Variants in ANKRD17 observed in about 807,000 individuals in gnomAD.
The protein encoded by ANKRD17 is ankyrin repeat domain 17, also known as ankyrin repeat domain-containing protein 17.
ANKRD17 carries 19 observed loss-of-function variants against 229.7 expected under a neutral mutation model. The ratio of observed to expected loss-of-function variants is 0.08; its 90% CI spans 0.06 to 0.12. The LOEUF (loss-of-function observed/expected upper bound fraction) is 0.12, where lower values mean the gene tolerates loss of function less well. Ranked by LOEUF, ANKRD17 falls within the 10% of genes least tolerant of loss-of-function variation. The probability of loss-of-function intolerance (pLI) is 1.00; values close to 1 mark genes in which losing one functional copy is unlikely to be tolerated. For synonymous variants in ANKRD17, 1,112 were observed against 1,146.1 expected, an observed-to-expected ratio of 0.97 and a Z score of 0.60; for missense variants, 2,176 against 3,176.8, an observed-to-expected ratio of 0.68 and a Z score of 7.57.
rs1233176026 is a variant in ANKRD17 at position 73,195,120 on chromosome 4, G to C, written c.394-17587C>G. Among the ~76,000 whole-genome samples, 12 of 152,186 alleles carry C rather than the reference G, an allele frequency of 7.9e-5. No homozygotes were observed. The South Asian group carries it at 2.3e-3, about 29-fold the overall frequency. ...CAAGTTCCTTTTCTGTATCTACTGT[G>C]ATTATAATTTTTTTTCTTGAGTGTG... On this transcript the variant is annotated intron_variant, in intron 1 of 33. Coordinates refer to ENST00000358602, the MANE Select transcript of ANKRD17 (RefSeq NM_032217.5).
At chr4:73,099,353 C>T (rs1723683907) in intron 25 of ANKRD17, among the ~76,000 whole-genome samples, 1 of 152,168 alleles carries the variant, frequency 6.6e-6, no homozygotes, top group South Asian at 2.1e-4. Context: ...GAGTGGGAAG[C>T]AGTTTTCCCC....
intron 1 of ANKRD17, among the ~76,000 whole-genome samples, chr4:73,231,169 A>G (rs544150010): frequency 1.3e-5 from 2 of 152,288 alleles, no homozygotes; most frequent in Non-Finnish European, 2.9e-5. Context: ...ATGGAGGTCT[A>G]GGGGACCTGG....
In ANKRD17 at chr4:73,139,800, T is replaced by C. The variant is rs1729386867; in HGVS notation, c.2816A>G (p.Asp939Gly). 3.1e-6 allele frequency: 5 copies of C among 1,614,236 alleles called. No individual in the cohort carries two copies. Among genetic ancestry groups the C allele is most frequent in the Non-Finnish European group, 4.2e-6 (5 of 1,180,044 alleles). The change falls in exon 15 of 34, where the codon GAT becomes GGT. Residue 939 changes from aspartate (D) to glycine (G), a missense_variant. Coordinates refer to ENST00000358602, the MANE Select transcript of ANKRD17 (RefSeq NM_032217.5). ...LQQVDPVLLK[D>G]EPQQTAAQMG... ...CTGAGCAGCAGTCTGCTGGGGTTCA[T>C]CTTTAAGTAAAACAGGATCCACTTG...
chr4:73,199,866 G>A (rs975583457), intron 1 of ANKRD17, among the ~76,000 whole-genome samples: 1 of 152,106 alleles, frequency 6.6e-6, no homozygotes, highest in Admixed American at 6.5e-5. Flanking sequence ...ATTAGTATAT[G>A]TCCTTTCTGA....
At chr4:73,124,674 C>T (rs572734021) in intron 18 of ANKRD17, among the ~76,000 whole-genome samples, 1 of 152,184 alleles carries the variant, frequency 6.6e-6, no homozygotes, top group Non-Finnish European at 1.5e-5. Flanking sequence ...CTTTCTCCTA[C>T]CGTAAATGCA....
At chr4:73,140,634 T>C (rs889730866) in intron 14 of ANKRD17, among the ~76,000 whole-genome samples, 1 of 152,078 alleles carries the variant, frequency 6.6e-6, no homozygotes, top group Non-Finnish European at 1.5e-5. Flanking sequence ...TTAAAACTCA[T>C]CATAAGAACA....
At chr4:73,152,706 A>T (rs961732620) in intron 6 of ANKRD17, among the ~76,000 whole-genome samples, 1 of 152,084 alleles carries the variant, frequency 6.6e-6, no homozygotes, top group African/African-American at 2.4e-5. Flanking sequence ...AGTGAAATGC[A>T]GCCAGTACTG....
At chr4:73,076,395 C>T (rs1721003489) in intron 33 of ANKRD17, 105 bp from the exon 34 acceptor site, 1 of 768,648 alleles carries the variant, frequency 1.3e-6, no homozygotes, top group Non-Finnish European at 1.9e-6. Context: ...TTGCAATATA[C>T]TAGGAACTAA....
rs556493781 is a variant in ANKRD17 at position 73,177,276 on chromosome 4, T to C, written c.547+104A>G. 3.7e-4 allele frequency: 406 copies of C among 1,092,176 alleles called. 2 individuals are homozygous for C. The African/African-American group carries it at 5.0e-3, about 13-fold the overall frequency. 67.7% of individuals were successfully genotyped at this position (1,092,176 alleles called of 1,614,324 possible). ...AATCAATTAACCTTTATTAATAGTATCATTCTAAATACCCAATATCATTCA... is the reference window on the plus strand; with the variant it reads ...AATCAATTAACCTTTATTAATAGTACCATTCTAAATACCCAATATCATTCA... On this transcript the variant is annotated intron_variant, in intron 2 of 33. Coordinates refer to ENST00000358602, the MANE Select transcript of ANKRD17 (RefSeq NM_032217.5).
chr4:73,194,067 T>C (rs1416695477), intron 1 of ANKRD17, among the ~76,000 whole-genome samples: 1 of 152,230 alleles, frequency 6.6e-6, no homozygotes, highest in Non-Finnish European at 1.5e-5. Flanking sequence ...GTAGTTTGTC[T>C]TTTTATTTTC....
intron 1 of ANKRD17, among the ~76,000 whole-genome samples, chr4:73,243,306 A>G (rs976126978): frequency 3.3e-5 from 5 of 152,226 alleles, no homozygotes; most frequent in African/African-American, 9.6e-5. Context: ...TGAAGAATGA[A>G]TGAAGAATGG....
At chr4:73,156,498 G>A (rs982849002) in intron 3 of ANKRD17, among the ~76,000 whole-genome samples, 2 of 152,174 alleles carry the variant, frequency 1.3e-5, no homozygotes, top group Non-Finnish European at 2.9e-5. Flanking sequence ...TGTAATCACC[G>A]GTGTTGGGGA....
intron 25 of ANKRD17, among the ~76,000 whole-genome samples, chr4:73,099,721 C>T (rs1299837604): frequency 6.6e-6 from 1 of 152,208 alleles, no homozygotes; most frequent in East Asian, 1.9e-4. Flanking sequence ...CACTTTTCAT[C>T]CTTTCCCACC....
intron 1 of ANKRD17, among the ~76,000 whole-genome samples, chr4:73,222,428 T>C (rs1483065591): frequency 1.3e-5 from 2 of 152,350 alleles, no homozygotes; most frequent in East Asian, 3.9e-4. Context: ...AGGGTTTTAA[T>C]ATTTTTAATT....
intron 1 of ANKRD17, among the ~76,000 whole-genome samples, chr4:73,219,658 A>G (rs1001834236): frequency 2.6e-4 from 40 of 152,228 alleles, no homozygotes; most frequent in African/African-American, 8.2e-4. Flanking sequence ...CCCACTGTCC[A>G]TAGACAGAAC....
intron 2 of ANKRD17, 137 bp from the exon 3 acceptor site, chr4:73,161,485 A>G: frequency 1.2e-6 from 1 of 831,960 alleles, no homozygotes; most frequent in Middle Eastern, 3.1e-4. Flanking sequence ...TTGGCTGCCC[A>G]GCATCTTTTG....
At chr4:73,244,176 A>C (rs1178219511) in intron 1 of ANKRD17, among the ~76,000 whole-genome samples, 1 of 152,174 alleles carries the variant, frequency 6.6e-6, no homozygotes, top group Non-Finnish European at 1.5e-5. Context: ...ATATGACCTG[A>C]TTGAACCTTA....
intron 8 of ANKRD17, among the ~76,000 whole-genome samples, chr4:73,148,299 T>A (rs1157390377): frequency 1.3e-5 from 2 of 152,186 alleles, no homozygotes; most frequent in East Asian, 3.8e-4. Flanking sequence ...ACTGAAGATA[T>A]CTTAACATAT....
intron 1 of ANKRD17, among the ~76,000 whole-genome samples, chr4:73,212,834 T>C (rs573844291): frequency 1.8e-4 from 27 of 150,526 alleles, no homozygotes; most frequent in Admixed American, 5.3e-4. Flanking sequence ...TGGCCAACAT[T>C]GTGAAACCCC....
Sources: allele counts gnomAD v4.1 joint callset (sites outside exome capture counted in the v4.1 genomes callset), GRCh38; gene constraint gnomAD v4.1.1; transcripts MANE v1.5; gene names NCBI Gene and HGNC (gene_info 2026-07-23, HGNC 2026-07-21).